The following GID4 variants were observed in gnomAD, a reference collection of about 807,000 sequenced individuals.
GID4 encodes GID complex subunit 4 homolog.
In GID4, 7 loss-of-function variants were observed where a neutral mutation model predicts 32.4. That is an observed-to-expected ratio of 0.22 (90% confidence interval 0.12 to 0.41). The LOEUF (loss-of-function observed/expected upper bound fraction) is 0.41, where lower values mean the gene tolerates loss of function less well. Among genes scored for constraint, GID4 ranks in the 10% least tolerant of loss-of-function variants. The pLI is 1.00. For synonymous variants in GID4, 166 were observed against 170.0 expected (o/e 0.98, Z 0.18); for missense variants, 309 against 400.0 (o/e 0.77, Z 1.94).
At chr17:18,057,839 AT>A (rs553188963) in intron 3 of GID4, among the ~76,000 whole-genome samples, 61 of 147,116 alleles carry the variant, frequency 4.1e-4, no homozygotes, top group Non-Finnish European at 3.6e-4. Flanking sequence ...TGATGTATAG[AT>A]TTTTTTTTTT....
intron 3 of GID4, among the ~76,000 whole-genome samples, chr17:18,058,355 C>T (rs572585609): frequency 5.9e-5 from 9 of 152,278 alleles, no homozygotes; most frequent in South Asian, 4.1e-4. Flanking sequence ...ACCAATCTCT[C>T]GCAGATATCG....
chr17:18,061,763 G>A lies in GID4; in HGVS notation c.709-82G>A. On this transcript the variant is annotated intron_variant, in intron 4 of 5. Coordinates refer to ENST00000268719, the MANE Select transcript of GID4 (RefSeq NM_024052.5). The surrounding 1 kb of genome is among the most constrained non-coding windows in gnomAD (Gnocchi z 4.4). ...CTATATTTTTCTCGAGTGGTCCTTA[G>A]AACCCCCTGATGCTTAACAGGGAGG... 1 of 1,374,352 alleles carries A rather than the reference G, an allele frequency of 7.3e-7. No homozygotes were observed. 85.1% of individuals were successfully genotyped at this position (1,374,352 alleles called of 1,614,324 possible). A position where few individuals can be genotyped will look rare whatever the true frequency, so the allele number is the denominator to read the frequency against.
chr17:18,049,298 T>C (rs1475424020), intron 2 of GID4, among the ~76,000 whole-genome samples: 1 of 138,608 alleles, frequency 7.2e-6, no homozygotes, highest in African/African-American at 2.8e-5. Context: ...ATCATGCCAC[T>C]GGACTCCAAC....
intron 4 of GID4, among the ~76,000 whole-genome samples, chr17:18,060,974 A>T (rs1026971718): frequency 1.3e-5 from 2 of 152,160 alleles, no homozygotes; most frequent in Non-Finnish European, 2.9e-5. Context: ...ACCTCAGGTG[A>T]TCCACCCACC....
In GID4 at chr17:18,068,379, A is replaced by AAT. The variant is rs918863197; in HGVS notation, c.*3137_*3138insTA. On this transcript the variant is annotated 3_prime_UTR_variant, in exon 6 of 6. Transcript: ENST00000268719. ...CTATCAATGTCCAAATAATTTAAAA[A>AAT]AAAAAATAAAGGTATTTAAGCAGTG... The AAT allele has an allele frequency of 1.3e-5, 2 of 152,354 alleles. No homozygotes were observed. The highest frequency in any genetic ancestry group is 6.6e-5 in the Admixed American group (1 of 15,250). 9.4% of individuals were successfully genotyped at this position (152,354 alleles called of 1,614,324 possible).
At position 18,067,116 on chromosome 17, in the gene GID4, G is replaced by A. The variant is rs2045071075; in HGVS notation, c.*1873G>A. The A allele has an allele frequency of 6.6e-6, 1 of 152,358 alleles. No homozygotes were observed. The highest frequency in any genetic ancestry group is 2.1e-4 in the South Asian group (1 of 4,836). The allele number at this position is 152,358 out of a possible 1,614,324, so 9.4% of individuals were successfully genotyped here. A position where few individuals can be genotyped will look rare whatever the true frequency, so the allele number is the denominator to read the frequency against. ...TCACTGTGGTCTTGTTGAGCTGATG[G>A]CCTTGGTTGAGCTGATGGACAAGTG... is the stretch of plus-strand genomic sequence containing the variant. On this transcript the variant is annotated 3_prime_UTR_variant, in exon 6 of 6. Coordinates refer to ENST00000268719, the MANE Select transcript of GID4 (RefSeq NM_024052.5).
At chr17:18,057,995 A>G (rs554227673) in intron 3 of GID4, among the ~76,000 whole-genome samples, 1 of 152,144 alleles carries the variant, frequency 6.6e-6, no homozygotes, top group Admixed American at 6.5e-5. Context: ...ACCACACCCA[A>G]CTAATTTTTT....
Position 18,039,715 on chromosome 17 carries a change from T to G in GID4, c.251T>G (p.Met84Arg). Residue 84 changes from methionine to arginine, a missense_variant, in exon 1 of 6, where the codon ATG becomes AGG. Met to Arg is a moderately conservative substitution (Grantham distance 91). Transcript: ENST00000268719. This position sits in a 1 kb window ranked among gnomAD's most constrained non-coding sequence, Gnocchi z 5.3. Reference sequence around the variant, plus strand: ...GCCCTGGCTCCGGGGGACCCCGCGATGCCGGTCCGCACCGAGTGTCCCCCG... The same window carrying G: ...GCCCTGGCTCCGGGGGACCCCGCGAGGCCGGTCCGCACCGAGTGTCCCCCG... ...PPALAPGDPAMPVRTECPPPA... is the reference protein window; with the variant it reads ...PPALAPGDPARPVRTECPPPA... 1 of 1,494,400 alleles carries G rather than the reference T, an allele frequency of 6.7e-7. No homozygotes were observed. The highest frequency in any genetic ancestry group is 8.9e-7 in the Non-Finnish European group (1 of 1,121,524). 92.6% of individuals were successfully genotyped at this position (1,494,400 alleles called of 1,614,324 possible).
Position 18,039,808 on chromosome 17 carries a change from C to T in GID4, c.344C>T (p.Pro115Leu), listed in dbSNP as rs1311792554. The T allele has an allele frequency of 6.3e-7, 1 of 1,577,034 alleles. No homozygotes were observed. Among genetic ancestry groups the T allele is most frequent in the Non-Finnish European group, 8.6e-7 (1 of 1,162,888 alleles). The change falls in exon 1 of 6, where the codon CCC (proline) becomes CTC (leucine). Residue 115 changes from proline to leucine, a missense_variant. By Grantham distance (98) the Pro-to-Leu change is moderately conservative. Transcript: ENST00000268719. This position sits in a 1 kb window ranked among gnomAD's most constrained non-coding sequence, Gnocchi z 5.3. ...IPPPPINTQQ[P>L]GVATSLLYSG... ...CCGCCGCCCATCAACACCCAGCAGC[C>T]CGGCGTGGCCACCAGCCTGCTCTAC...
intron 2 of GID4, among the ~76,000 whole-genome samples, chr17:18,046,888 C>T (rs2044858849): frequency 1.4e-5 from 2 of 147,470 alleles, no homozygotes; most frequent in African/African-American, 5.0e-5. Flanking sequence ...CACCATTGCG[C>T]TCCAGCCTGA....
chr17:18,056,639 C>T (rs1178172495), intron 3 of GID4: 1 of 1,492,962 alleles, frequency 6.7e-7, no homozygotes, highest in African/African-American at 1.4e-5. Context: ...CAGTTTTAGG[C>T]TAGGTTGACT....
At position 18,039,562 on chromosome 17, in the gene GID4, T is replaced by C; in HGVS notation, c.98T>C (p.Leu33Pro). ...TCCCGGTGGCGGCCGGAGCGCTTGC[T>C]CCGCAGGCAGCGGGCGGGTGGTCGC... is the stretch of plus-strand genomic sequence containing the variant. ...PGSRWRPERL[L>P]RRQRAGGRPS... The change falls in exon 1 of 6, where the codon CTC (leucine) becomes CCC (proline). Residue 33 changes from leucine to proline, a missense_variant. Leu to Pro is a moderately conservative substitution (Grantham distance 98). Transcript: ENST00000268719. This position sits in a 1 kb window ranked among gnomAD's most constrained non-coding sequence, Gnocchi z 5.3. 1 of 1,303,060 alleles carries C rather than the reference T, an allele frequency of 7.7e-7. No homozygotes were observed. The highest frequency in any genetic ancestry group is 9.7e-7 in the Non-Finnish European group (1 of 1,030,066). The allele number at this position is 1,303,060 out of a possible 1,614,324, so 80.7% of individuals were successfully genotyped here. A position where few individuals can be genotyped will look rare whatever the true frequency, so the allele number is the denominator to read the frequency against.
intron 2 of GID4, among the ~76,000 whole-genome samples, chr17:18,050,435 C>CG (rs2145558934): frequency 6.6e-6 from 1 of 152,294 alleles, no homozygotes; most frequent in Admixed American, 6.5e-5. Context: ...GCGACCTTTC[C>CG]GGGGAACCCA....
In GID4 at chr17:18,039,705, G is replaced by C. The variant is rs1208144679; in HGVS notation, c.241G>C (p.Asp81His). Reference sequence around the variant, plus strand: ...ACTCCCCCCAGCCCTGGCTCCGGGGGACCCCGCGATGCCGGTCCGCACCGA... The same window carrying C: ...ACTCCCCCCAGCCCTGGCTCCGGGGCACCCCGCGATGCCGGTCCGCACCGA... ...LPLPPALAPG[D>H]PAMPVRTECP... Residue 81 changes from aspartate to histidine, a missense_variant, in exon 1 of 6, where the codon GAC becomes CAC. Around this residue, in one of 2 missense-constraint regions of GID4, gnomAD observed 193 missense variants for 185.8 expected, o/e 1.04. Transcript: ENST00000268719. This position sits in a 1 kb window ranked among gnomAD's most constrained non-coding sequence, Gnocchi z 5.3. The C allele has an allele frequency of 1.4e-6, 2 of 1,480,476 alleles. No individual in the cohort carries two copies. Among genetic ancestry groups the C allele is most frequent in the African/African-American group, 2.9e-5 (2 of 68,462 alleles). 91.7% of individuals were successfully genotyped at this position (1,480,476 alleles called of 1,614,324 possible). A position where few individuals can be genotyped will look rare whatever the true frequency, so the allele number is the denominator to read the frequency against.
At chr17:18,058,134 A>G (rs2044987041) in intron 3 of GID4, among the ~76,000 whole-genome samples, 1 of 152,170 alleles carries the variant, frequency 6.6e-6, no homozygotes, top group South Asian at 2.1e-4. Flanking sequence ...CACCCAGTGG[A>G]TGTATAGATT....
At chr17:18,064,295 G>A (rs1333264392) in intron 5 of GID4, among the ~76,000 whole-genome samples, 1 of 152,082 alleles carries the variant, frequency 6.6e-6, no homozygotes, top group Non-Finnish European at 1.5e-5. Flanking sequence ...ATGTATGAGG[G>A]TTCCAGTTTC....
intron 3 of GID4, among the ~76,000 whole-genome samples, chr17:18,055,589 A>G (rs1452197886): frequency 6.6e-6 from 1 of 151,530 alleles, no homozygotes; most frequent in Non-Finnish European, 1.5e-5. Context: ...CCTGGGCTCA[A>G]GTAATCCTCC....
intron 5 of GID4, 61 bp from the exon 6 acceptor site, chr17:18,065,119 T>C (rs373760216): frequency 1.9e-5 from 23 of 1,224,376 alleles, no homozygotes; most frequent in Non-Finnish European, 2.5e-5. Flanking sequence ...GGGTTACTAA[T>C]GTCCTTTGCT....
chr17:18,047,677 A>C, intron 2 of GID4, among the ~76,000 whole-genome samples: 1 of 152,182 alleles, frequency 6.6e-6, no homozygotes, highest in East Asian at 1.9e-4. Context: ...TACCCTCCCC[A>C]GAGTTGCCTG....
Sources: allele counts gnomAD v4.1 joint callset (sites outside exome capture counted in the v4.1 genomes callset), GRCh38; gene constraint gnomAD v4.1.1; regional missense constraint gnomAD v4.1.1; non-coding constraint Gnocchi (gnomAD v3.1); transcripts MANE v1.5; gene names NCBI Gene and HGNC (gene_info 2026-07-23, HGNC 2026-07-21).